Variants in POC1B observed in about 807,000 individuals in gnomAD.
POC1B encodes POC1 centriolar protein homolog B.
Under a neutral mutation model 60.6 loss-of-function variants are expected in POC1B, and 44 were observed. That is an observed-to-expected ratio of 0.73 (90% confidence interval 0.57 to 0.93). POC1B has a LOEUF of 0.93. Ranked by LOEUF, POC1B falls within the 40% of genes least tolerant of loss-of-function variation. The probability of loss-of-function intolerance (pLI) is 0.00; values close to 1 mark genes in which losing one functional copy is unlikely to be tolerated. For missense variants in POC1B, 555 were observed against 572.3 expected, an observed-to-expected ratio of 0.97 and a Z score of 0.31; for synonymous variants, 180 against 198.9, an observed-to-expected ratio of 0.90 and a Z score of 0.80.
intron 2 of POC1B, chr12:89,523,406 C>A (rs1270977717): frequency 6.2e-7 from 1 of 1,614,058 alleles, no homozygotes; most frequent in African/African-American, 1.3e-5. Context: ...ACTTCTGCTG[C>A]CCGAGCAGTA....
chr12:89,435,543 A>G (rs936782005), intron 10 of POC1B, among the ~76,000 whole-genome samples: 4 of 152,204 alleles, frequency 2.6e-5, no homozygotes, highest in African/African-American at 9.7e-5. Context: ...AATAACAAAA[A>G]ATAAGATTCT....
intron 2 of POC1B, chr12:89,500,370 A>G: frequency 6.7e-7 from 1 of 1,503,046 alleles, no homozygotes; most frequent in Non-Finnish European, 9.3e-7. Flanking sequence ...TCAAGGAAGA[A>G]AGAAGCCTCT....
At chr12:89,408,613 G>A in the POC1B span, among the ~76,000 whole-genome samples, 2 of 151,746 alleles carry the variant, frequency 1.3e-5, no homozygotes, top group Non-Finnish European at 2.9e-5. Flanking sequence ...AGCCTCCCAA[G>A]TAGCTGGGGA....
At chr12:89,424,727 G>A (rs1240677798) in intron 11 of POC1B, among the ~76,000 whole-genome samples, 2 of 152,110 alleles carry the variant, frequency 1.3e-5, no homozygotes, top group African/African-American at 4.8e-5. Flanking sequence ...TCAAAAAAGT[G>A]GATAATATTC....
At chr12:89,523,197 TCTACTGCGAATAGC>T in intron 2 of POC1B, 6 of 1,613,992 alleles carry the variant, frequency 3.7e-6, no homozygotes, top group Non-Finnish European at 5.1e-6. Context: ...ACGAGATCCC[TCTACTGCGAATAGC>T]CCCATGCCAG....
At chr12:89,507,427 C>T (rs891154090) in intron 2 of POC1B, among the ~76,000 whole-genome samples, 1 of 152,032 alleles carries the variant, frequency 6.6e-6, no homozygotes, top group African/African-American at 2.4e-5. Context: ...ACTGTGTCAA[C>T]TTGGAATTTG....
chr12:89,502,327 A>G, intron 2 of POC1B: 1 of 1,611,812 alleles, frequency 6.2e-7, no homozygotes, highest in East Asian at 2.2e-5. Flanking sequence ...TGTTCGCAGG[A>G]CCAAGAGAAC....
At chr12:89,435,589 A>G (rs1881221360) in intron 10 of POC1B, among the ~76,000 whole-genome samples, 1 of 152,158 alleles carries the variant, frequency 6.6e-6, no homozygotes, top group Admixed American at 6.5e-5. Context: ...TTTTTCCTCC[A>G]TATATTTTCA....
At chr12:89,460,974 T>C (rs903195074) in intron 9 of POC1B, 4 of 152,082 alleles carry the variant, frequency 2.6e-5, no homozygotes, top group African/African-American at 9.7e-5. Context: ...TTATATCAAA[T>C]GAATGGTACC....
At chr12:89,438,224 G>A (rs1051111956) in intron 10 of POC1B, among the ~76,000 whole-genome samples, 1 of 152,068 alleles carries the variant, frequency 6.6e-6, no homozygotes, top group Non-Finnish European at 1.5e-5. Context: ...TTGGGAGGCC[G>A]AGGCGGGCGG....
chr12:89,476,978 G>C (rs1282730542), intron 4 of POC1B, among the ~76,000 whole-genome samples: 1 of 152,134 alleles, frequency 6.6e-6, no homozygotes, highest in Non-Finnish European at 1.5e-5. Flanking sequence ...GCAGTAAAAA[G>C]TAGTGGAAAT....
At chr12:89,408,284 T>C in the POC1B span, among the ~76,000 whole-genome samples, 3 of 152,324 alleles carry the variant, frequency 2.0e-5, no homozygotes, top group African/African-American at 7.2e-5. Context: ...CATGTGTCTT[T>C]ATAGTAGAAT....
the POC1B span, among the ~76,000 whole-genome samples, chr12:89,413,273 A>G: frequency 1.3e-5 from 2 of 152,050 alleles, no homozygotes; most frequent in Non-Finnish European, 2.9e-5. Context: ...TGGTGCAATA[A>G]TAGCTCTCTG....
At position 89,506,142 on chromosome 12, in the gene POC1B, G is replaced by A. The variant is rs76705403; in HGVS notation, c.101-8800C>T. On this transcript the variant is annotated intron_variant, in intron 2 of 11. Coordinates refer to ENST00000313546, the MANE Select transcript of POC1B (RefSeq NM_172240.3). ...GGAAGATGGATATACCCCGCCTGGA[G>A]CCCAGGGAGAGGTTCTGACTGTACA... Among the ~76,000 whole-genome samples, 1,032 of 152,328 alleles carry A rather than the reference G, an allele frequency of 6.8e-3. 13 individuals are homozygous for A. The highest frequency in any genetic ancestry group is 0.024 in the African/African-American group (995 of 41,570).
chr12:89,471,670 T>G lies in POC1B; in HGVS notation c.620A>C (p.Asp207Ala). ...TACATCCCAGACTTTCACAGTTTGA[T>G]CAGAACCTGCTGAAGCTATGCATGT... Reference protein sequence around the residue: ...SGTCIASAGSDQTVKVWDVRV... With the variant: ...SGTCIASAGSAQTVKVWDVRV... The change falls in exon 6 of 12, where the codon GAT (aspartate) becomes GCT (alanine). Residue 207 changes from aspartate to alanine, a missense_variant. Transcript: ENST00000313546. The G allele has an allele frequency of 6.2e-7, 1 of 1,611,850 alleles. No homozygotes were observed. Among genetic ancestry groups the G allele is most frequent in the Non-Finnish European group, 8.5e-7 (1 of 1,178,986 alleles).
chr12:89,498,685 G>A lies in POC1B; in HGVS notation c.101-1343C>T, dbSNP rs139499907. On this transcript the variant is annotated intron_variant, in intron 2 of 11. Transcript: ENST00000313546. ...AATACAAAAAGTTAATATTCCACCA[G>A]AGCTTATCCAAATTACTAAAGATTT... 3.9e-4 allele frequency among the ~76,000 whole-genome samples: 60 copies of A among 152,124 alleles called. No homozygotes were observed. In the East Asian group the frequency reaches 8.1e-3, roughly 21 times the overall value.
chr12:89,458,900 A>G (rs1882363745), intron 10 of POC1B, among the ~76,000 whole-genome samples: 1 of 152,240 alleles, frequency 6.6e-6, no homozygotes, highest in African/African-American at 2.4e-5. Context: ...TGGAAAGGCT[A>G]AAATTCTTAA....
At chr12:89,461,523 T>C (rs1441571384) in intron 9 of POC1B, 2 of 152,192 alleles carry the variant, frequency 1.3e-5, no homozygotes, top group Non-Finnish European at 2.9e-5. Context: ...ATGAATACAT[T>C]AGGGACGGCA....
intron 6 of POC1B, 103 bp from the exon 7 acceptor site, chr12:89,470,597 T>A: frequency 1.0e-6 from 1 of 966,952 alleles, no homozygotes; most frequent in Non-Finnish European, 1.4e-6. Context: ...GAGCACTGTT[T>A]CCACAACAAC....
Sources: allele counts gnomAD v4.1 joint callset (sites outside exome capture counted in the v4.1 genomes callset), GRCh38; gene constraint gnomAD v4.1.1; transcripts MANE v1.5; gene names NCBI Gene and HGNC (gene_info 2026-07-23, HGNC 2026-07-21).